KIF15: variants seen among roughly 807,000 people sequenced by gnomAD.
KIF15 encodes the protein kinesin family member 15.
In KIF15, 140 loss-of-function variants were observed where a neutral mutation model predicts 190.6. The ratio of observed to expected loss-of-function variants is 0.73; its 90% CI spans 0.64 to 0.84. The LOEUF (loss-of-function observed/expected upper bound fraction) is 0.84, where lower values mean the gene tolerates loss of function less well. Ranked by LOEUF, KIF15 falls within the 40% of genes least tolerant of loss-of-function variation. The pLI is 0.00. For synonymous variants in KIF15, 528 were observed against 551.3 expected (o/e 0.96, Z 0.59); for missense variants, 1,372 against 1,584.4 (o/e 0.87, Z 2.28).
Position 44,843,125 on chromosome 3 carries a change from G to A in KIF15, c.3586G>A (p.Glu1196Lys). 1 of 1,607,708 alleles carries A rather than the reference G, an allele frequency of 6.2e-7. No individual in the cohort carries two copies. Among genetic ancestry groups the A allele is most frequent in the Non-Finnish European group, 8.5e-7 (1 of 1,175,784 alleles). ...VKNAEILRMK[E>K]QLREMENLRL... ...AAAAGATACGATTTGATGTTATTAG[G>A]AGCAGTTGCGTGAAATGGAAAACCT... is the stretch of plus-strand genomic sequence containing the variant. The change falls in exon 30 of 35, where the codon GAG (glutamate) becomes AAG (lysine). Residue 1196 changes from glutamate to lysine, a missense_variant and splice_region_variant. Physicochemically the swap from Glu to Lys is moderately conservative, Grantham distance 56. Transcript: ENST00000326047.
At chr3:44,858,061 G>A (rs1235847697), downstream of KIF15, among the ~76,000 whole-genome samples, 5 of 152,214 alleles carry the variant, frequency 3.3e-5, no homozygotes, top group Non-Finnish European at 5.9e-5. Context: ...CGGCAGTACA[G>A]CCCAGGTAAG....
In KIF15 at chr3:44,801,786, C is replaced by A; in HGVS notation, c.1321C>A (p.Gln441Lys). Residue 441 changes from glutamine to lysine, a missense_variant, in exon 13 of 35, where the codon CAA becomes AAA. Physicochemically the swap from Gln to Lys is moderately conservative, Grantham distance 53. Coordinates refer to ENST00000326047, the MANE Select transcript of KIF15 (RefSeq NM_020242.3). ...EKKSLIEKVTQLEDLTLKKEK... is the reference protein window; with the variant it reads ...EKKSLIEKVTKLEDLTLKKEK... Reference sequence around the variant, plus strand: ...TAAGTCTCTGATAGAAAAAGTTACCCAATTAGAAGACCTCACCCTCAAAAA... The same window carrying A: ...TAAGTCTCTGATAGAAAAAGTTACCAAATTAGAAGACCTCACCCTCAAAAA... The A allele has an allele frequency of 1.3e-6, 2 of 1,582,126 alleles. No homozygotes were observed. The highest frequency in any genetic ancestry group is 1.7e-6 in the Non-Finnish European group (2 of 1,156,068).
At chr3:44,778,329 A>C in intron 4 of KIF15, 138 bp downstream of exon 4, 1 of 711,936 alleles carries the variant, frequency 1.4e-6, no homozygotes, top group Non-Finnish European at 2.5e-6. Flanking sequence ...TGAAAAGTTC[A>C]ACATGGGTCT....
chr3:44,862,581 A>G (rs985380286), intron 6 of KIF15: 2 of 152,534 alleles, frequency 1.3e-5, no homozygotes, highest in Admixed American at 6.5e-5. Flanking sequence ...TGTTGTGACC[A>G]GATGACCAGT....
chr3:44,866,366 C>T (rs1699322788), intron 6 of KIF15, among the ~76,000 whole-genome samples: 2 of 152,182 alleles, frequency 1.3e-5, no homozygotes, highest in Non-Finnish European at 2.9e-5. Context: ...GCCACTGCAC[C>T]TGGCCCCCTT....
In KIF15 at chr3:44,784,923, T is replaced by A. The variant is rs141681934; in HGVS notation, c.440T>A (p.Ile147Asn). Residue 147 changes from isoleucine (I) to asparagine (N), a missense_variant, in exon 6 of 35, where the codon ATT (isoleucine) becomes AAT (asparagine). By Grantham distance (149) the Ile-to-Asn change is moderately radical. Coordinates refer to ENST00000326047, the MANE Select transcript of KIF15 (RefSeq NM_020242.3). ...AGTTTTGAATATTTGTTTTCCTTAA[T>A]TGATCGTGAAAAAGAAAAGGTAAAA... ...PRSFEYLFSL[I>N]DREKEKAGAG... The A allele has an allele frequency of 1.9e-6, 3 of 1,564,442 alleles. No individual in the cohort carries two copies. The African/African-American group carries it at 4.1e-5, about 21-fold the overall frequency.
intron 26 of KIF15, among the ~76,000 whole-genome samples, chr3:44,835,978 A>G (rs1170532855): frequency 1.3e-5 from 2 of 152,094 alleles, no homozygotes; most frequent in Non-Finnish European, 2.9e-5. Flanking sequence ...GGAGGCTGAC[A>G]TGGGACAATT....
chr3:44,813,038 T>A, intron 18 of KIF15, 37 bp from the exon 19 acceptor site: 7 of 1,246,190 alleles, frequency 5.6e-6, no homozygotes, highest in Non-Finnish European at 8.0e-6. Flanking sequence ...AGCATGCCAG[T>A]ATTCCTTTTC....
At chr3:44,867,664 A>T (rs1699335425) in intron 6 of KIF15, among the ~76,000 whole-genome samples, 1 of 152,220 alleles carries the variant, frequency 6.6e-6, no homozygotes, top group African/African-American at 2.4e-5. Flanking sequence ...AAGATGTACA[A>T]GATGTATTTG....
chr3:44,791,201 G>A (rs996623558), intron 7 of KIF15, among the ~76,000 whole-genome samples: 1 of 151,750 alleles, frequency 6.6e-6, no homozygotes, highest in African/African-American at 2.4e-5. Context: ...GATCCAGTAT[G>A]CAGCATGATT....
At position 44,812,302 on chromosome 3, in the gene KIF15, G is replaced by GCACA. The variant is rs747647900; in HGVS notation, c.2277+14_2277+17dup. 6.3e-7 allele frequency: 1 copy of GCACA among 1,581,978 alleles called. No individual in the cohort carries two copies. Among genetic ancestry groups the GCACA allele is most frequent in the South Asian group, 1.1e-5 (1 of 89,826 alleles). ...CCAAATGCAGGAGGTGAGACCAAGA[G>GCACA]CACAGCCTCAGAAAATGTATGAAGT... On this transcript the variant is annotated intron_variant, in intron 18 of 34. Coordinates refer to ENST00000326047, the MANE Select transcript of KIF15 (RefSeq NM_020242.3).
intron 26 of KIF15, among the ~76,000 whole-genome samples, chr3:44,832,174 C>T (rs1268357251): frequency 6.6e-6 from 1 of 152,060 alleles, no homozygotes; most frequent in African/African-American, 2.4e-5. Flanking sequence ...ACAACTTTGC[C>T]AGAGAGGGAA....
intron 26 of KIF15, among the ~76,000 whole-genome samples, chr3:44,831,259 C>T (rs1161442304): frequency 6.6e-6 from 1 of 152,138 alleles, no homozygotes; most frequent in Non-Finnish European, 1.5e-5. Flanking sequence ...GTTCACGCTG[C>T]CAAGCTTCCT....
At position 44,826,418 on chromosome 3, in the gene KIF15, AATT is replaced by A; in HGVS notation, c.2747_2749del (p.Leu916del). ...GAGGCAGAAAAAGAACGCAATAACA[AATT>A]ATCATTACAGTTTGAAGAAGATAAA... On this transcript the variant is annotated inframe_deletion, in exon 22 of 35. Transcript: ENST00000326047. The A allele has an allele frequency of 6.2e-7, 1 of 1,613,238 alleles. No individual in the cohort carries two copies. The highest frequency in any genetic ancestry group is 8.5e-7 in the Non-Finnish European group (1 of 1,179,544).
intron 4 of KIF15, among the ~76,000 whole-genome samples, chr3:44,780,067 CTTTTTTT>C (rs757687365): frequency 3.2e-5 from 4 of 123,104 alleles, no homozygotes; most frequent in Admixed American, 1.7e-4. Context: ...TAAAATACAA[CTTTTTTT>C]TTTTTTTTTT....
At position 44,797,878 on chromosome 3, in the gene KIF15, T is replaced by C; in HGVS notation, c.1020T>C (p.Val340=). The C allele has an allele frequency of 6.2e-7, 1 of 1,613,954 alleles. No individual in the cohort carries two copies. The highest frequency in any genetic ancestry group is 8.5e-7 in the Non-Finnish European group (1 of 1,179,928). ...GNAKTAIIAN[V]HPGSRCFGET... ...CCAAAACAGCCATAATTGCAAATGTTCATCCTGGATCCAGGTGTTTTGGGG... is the reference window on the plus strand; with the variant it reads ...CCAAAACAGCCATAATTGCAAATGTCCATCCTGGATCCAGGTGTTTTGGGG... Residue 340 remains valine (V), a synonymous_variant, in exon 10 of 35, where the codon GTT becomes GTC. Coordinates refer to ENST00000326047, the MANE Select transcript of KIF15 (RefSeq NM_020242.3).
In KIF15 at chr3:44,784,824, T is replaced by G. The variant is rs757519462; in HGVS notation, c.362-21T>G. The G allele has an allele frequency of 1.8e-5, 21 of 1,147,258 alleles. 1 individual carries two copies. Among genetic ancestry groups the G allele is most frequent in the Admixed American group, 3.0e-5 (1 of 32,848 alleles). 71.1% of individuals were successfully genotyped at this position (1,147,258 alleles called of 1,614,324 possible). ...CTTGGAATAGAATAAAAATCCAGTG[T>G]TTTTTTTTTCATTTTTTTAGGACCA... On this transcript the variant is annotated intron_variant, in intron 5 of 34. Coordinates refer to ENST00000326047, the MANE Select transcript of KIF15 (RefSeq NM_020242.3).
At chr3:44,816,801 T>C (rs1252606301) in intron 20 of KIF15, among the ~76,000 whole-genome samples, 2 of 152,226 alleles carry the variant, frequency 1.3e-5, no homozygotes, top group Non-Finnish European at 2.9e-5. Flanking sequence ...TCTAGATCCT[T>C]GAGGGATTGC....
chr3:44,859,615 C>T (rs1476641971), intron 6 of KIF15, among the ~76,000 whole-genome samples: 2 of 152,256 alleles, frequency 1.3e-5, no homozygotes, highest in African/African-American at 4.8e-5. Context: ...AGCTATGATC[C>T]ACCACTGTAC....
Sources: gnomAD v4.1 joint callset for allele counts (sites outside exome capture counted in the v4.1 genomes callset) on GRCh38, gnomAD v4.1.1 for gene constraint, MANE v1.5 for transcripts, NCBI Gene and HGNC (gene_info 2026-07-23, HGNC 2026-07-21) for gene names.